Variants in KIF16B observed in about 807,000 individuals in gnomAD.
KIF16B encodes the protein kinesin-like protein KIF16B.
In KIF16B, 98 loss-of-function variants were observed where a neutral mutation model predicts 156.3. The ratio of observed to expected loss-of-function variants is 0.63; its 90% confidence interval spans 0.53 to 0.74. The LOEUF (loss-of-function observed/expected upper bound fraction) is 0.74, where lower values mean the gene tolerates loss of function less well. Ranked by LOEUF, KIF16B falls within the 30% of genes least tolerant of loss-of-function variation. The probability of loss-of-function intolerance (pLI) is 0.00; values close to 1 mark genes in which losing one functional copy is unlikely to be tolerated. For synonymous variants in KIF16B, 564 were observed against 583.7 expected (o/e 0.97, Z 0.49); for missense variants, 1,421 against 1,606.5 (o/e 0.88, Z 1.97).
At chr20:16,506,460 A>T (rs1057331212) in intron 7 of KIF16B, among the ~76,000 whole-genome samples, 32 of 152,338 alleles carry the variant, frequency 2.1e-4, no homozygotes, top group African/African-American at 7.2e-4. Flanking sequence ...GGCAGAACAG[A>T]AAACTAGGCA....
intron 3 of KIF16B, among the ~76,000 whole-genome samples, chr20:16,521,542 G>C (rs912286267): frequency 4.6e-5 from 7 of 152,126 alleles, no homozygotes; most frequent in African/African-American, 9.7e-5. Flanking sequence ...ACCTATGTTT[G>C]ATTGGTGTAC....
chr20:16,525,868 G>C (rs1288522611), intron 3 of KIF16B, among the ~76,000 whole-genome samples: 1 of 151,996 alleles, frequency 6.6e-6, no homozygotes, highest in African/African-American at 2.4e-5. Context: ...TCATCATTAT[G>C]CTCAAAGGTG....
chr20:16,430,385 C>G (rs936988699), intron 12 of KIF16B, among the ~76,000 whole-genome samples: 5 of 152,086 alleles, frequency 3.3e-5, no homozygotes, highest in Admixed American at 1.3e-4. Flanking sequence ...TGAGAAGAAG[C>G]CTTCCTGTGC....
chr20:16,545,270 C>A (rs1015096644), intron 1 of KIF16B, among the ~76,000 whole-genome samples: 10 of 152,104 alleles, frequency 6.6e-5, no homozygotes, highest in Non-Finnish European at 1.5e-4. Flanking sequence ...GTGGCACACA[C>A]CTGTAATCCC....
chr20:16,551,616 T>C (rs1430146829), intron 1 of KIF16B, among the ~76,000 whole-genome samples: 2 of 152,250 alleles, frequency 1.3e-5, no homozygotes, highest in African/African-American at 2.4e-5. Context: ...TTCTTATCAT[T>C]GAAGAATTCA....
chr20:16,336,182 T>C (rs2064033236), intron 23 of KIF16B, among the ~76,000 whole-genome samples, 167 bp from the exon 24 acceptor site: 4 of 152,230 alleles, frequency 2.6e-5, no homozygotes, highest in Admixed American at 2.6e-4. Context: ...AAATAATAAA[T>C]GTACTTTACT....
At chr20:16,466,065 A>C (rs1042011546) in intron 12 of KIF16B, among the ~76,000 whole-genome samples, 3 of 152,252 alleles carry the variant, frequency 2.0e-5, no homozygotes, top group Non-Finnish European at 2.9e-5. Flanking sequence ...GAGCTGTTTT[A>C]AAAGAAGTTT....
At chr20:16,293,588 G>A (rs2063342243) in intron 25 of KIF16B, among the ~76,000 whole-genome samples, 1 of 152,080 alleles carries the variant, frequency 6.6e-6, no homozygotes, top group African/African-American at 2.4e-5. Flanking sequence ...GGAAGACATG[G>A]GTACAGGAAG....
At chr20:16,322,347 G>A (rs2063784400) in intron 24 of KIF16B, among the ~76,000 whole-genome samples, 1 of 151,802 alleles carries the variant, frequency 6.6e-6, no homozygotes, top group Non-Finnish European at 1.5e-5. Context: ...CAACCACCAA[G>A]CCTCTACATT....
chr20:16,319,741 C>T (rs954744815), intron 24 of KIF16B, among the ~76,000 whole-genome samples: 18 of 152,180 alleles, frequency 1.2e-4, no homozygotes, highest in Non-Finnish European at 1.6e-4. Context: ...GTTTTACTTC[C>T]AGGAGCCCCA....
At chr20:16,331,823 C>A (rs971757106) in intron 24 of KIF16B, among the ~76,000 whole-genome samples, 1 of 151,772 alleles carries the variant, frequency 6.6e-6, no homozygotes, top group Admixed American at 6.6e-5. Flanking sequence ...GCCAAATAGT[C>A]CACTTGGAGG....
At chr20:16,474,322 C>G (rs2067748059) in intron 12 of KIF16B, among the ~76,000 whole-genome samples, 2 of 152,166 alleles carry the variant, frequency 1.3e-5, no homozygotes, top group Admixed American at 1.3e-4. Context: ...GCCTCTGTTT[C>G]CTAACATAGA....
At chr20:16,301,292 T>C (rs1179658806) in intron 25 of KIF16B, among the ~76,000 whole-genome samples, 1 of 152,244 alleles carries the variant, frequency 6.6e-6, no homozygotes, top group Non-Finnish European at 1.5e-5. Context: ...AACACTACTA[T>C]AAACATTTAT....
At chr20:16,354,423 T>TCCGAAATTGTTTTA (rs147775717) in intron 23 of KIF16B, among the ~76,000 whole-genome samples, 13,390 of 151,468 alleles carry the variant, frequency 0.088, 683 homozygotes, top group African/African-American at 0.13. Context: ...AAACACAACT[T>TCCGAAATTGTTTTA]CCGAAATTGT....
chr20:16,565,089 A>T (rs1345784064), intron 1 of KIF16B, among the ~76,000 whole-genome samples: 2 of 152,208 alleles, frequency 1.3e-5, no homozygotes, highest in Non-Finnish European at 2.9e-5. Context: ...TTTAGTGGAC[A>T]GTTATTATAT....
intron 1 of KIF16B, among the ~76,000 whole-genome samples, chr20:16,540,621 C>T (rs1054039441): frequency 3.3e-5 from 5 of 152,080 alleles, no homozygotes; most frequent in South Asian, 2.1e-4. Flanking sequence ...CTGCCTCTCC[C>T]CGTCGCCATC....
chr20:16,318,660 A>C (rs1430820999), intron 24 of KIF16B, among the ~76,000 whole-genome samples: 1 of 152,212 alleles, frequency 6.6e-6, no homozygotes, highest in Non-Finnish European at 1.5e-5. Context: ...AAATAGAATA[A>C]CTGAATAAAT....
intron 4 of KIF16B, among the ~76,000 whole-genome samples, chr20:16,514,583 A>T (rs1377682810): frequency 1.6e-5 from 1 of 61,362 alleles, no homozygotes; most frequent in Non-Finnish European, 3.4e-5. Flanking sequence ...AAGAAATAAG[A>T]AAAAAAAAAA....
chr20:16,516,696 G>A (rs1308337073), intron 3 of KIF16B, among the ~76,000 whole-genome samples: 4 of 152,148 alleles, frequency 2.6e-5, no homozygotes, highest in East Asian at 1.9e-4. Flanking sequence ...GGACCCAGAC[G>A]GATCAACCAA....
Sources: gnomAD v4.1 joint callset for allele counts (sites outside exome capture counted in the v4.1 genomes callset) on GRCh38, gnomAD v4.1.1 for gene constraint, MANE v1.5 for transcripts, NCBI Gene and HGNC (gene_info 2026-07-23, HGNC 2026-07-21) for gene names.